Variants in IGF1R observed in about 807,000 individuals in gnomAD.
The protein encoded by IGF1R is insulin like growth factor 1 receptor, also known as insulin-like growth factor 1 receptor.
In IGF1R, 44 loss-of-function variants were observed where a neutral mutation model predicts 144.6. The observed-to-expected ratio is 0.30, with a 90% CI of 0.24 to 0.39. IGF1R has a LOEUF of 0.39. Among genes scored for constraint, IGF1R ranks in the 10% least tolerant of loss-of-function variants. The probability of loss-of-function intolerance (pLI) is 1.00; values close to 1 mark genes in which losing one functional copy is unlikely to be tolerated. For synonymous variants in IGF1R, 795 were observed against 722.8 expected, an observed-to-expected ratio of 1.10 and a Z score of -1.60; for missense variants, 1,355 against 1,833.7, an observed-to-expected ratio of 0.74 and a Z score of 4.77.
chr15:98,656,440 G>A (rs1322984325), intron 1 of IGF1R, among the ~76,000 whole-genome samples: 1 of 152,072 alleles, frequency 6.6e-6, no homozygotes, highest in Non-Finnish European at 1.5e-5. Flanking sequence ...TCCCAGCTAC[G>A]TGAGAGGCTG....
intron 10 of IGF1R, among the ~76,000 whole-genome samples, chr15:98,919,785 A>G (rs553091022): frequency 1.3e-5 from 2 of 152,372 alleles, no homozygotes; most frequent in African/African-American, 4.8e-5. Context: ...GAGTTCTGGC[A>G]GAGTCCAGGT....
intron 17 of IGF1R, 52 bp from the exon 18 acceptor site, chr15:98,939,149 T>C: frequency 6.7e-7 from 1 of 1,502,854 alleles, no homozygotes; most frequent in East Asian, 2.3e-5. Context: ...GAAATTGGCA[T>C]GGAAAAAAAA....
chr15:98,872,056 T>A (rs2012812873), intron 2 of IGF1R, among the ~76,000 whole-genome samples: 1 of 152,190 alleles, frequency 6.6e-6, no homozygotes, highest in African/African-American at 2.4e-5. Flanking sequence ...CCCCAGTGGG[T>A]ACCTGCATCC....
At chr15:98,782,307 C>T (rs1482287710) in intron 2 of IGF1R, among the ~76,000 whole-genome samples, 4 of 152,050 alleles carry the variant, frequency 2.6e-5, no homozygotes, top group Admixed American at 2.6e-4. Context: ...TGGAAAACAT[C>T]TTATTTTAAT....
intron 20 of IGF1R, among the ~76,000 whole-genome samples, chr15:98,951,100 C>T (rs969847784): frequency 1.7e-4 from 25 of 149,154 alleles, no homozygotes; most frequent in Non-Finnish European, 3.0e-4. Context: ...GTGGACACTT[C>T]GTGTGGAATT....
chr15:98,665,818 A>G (rs1381306407), intron 1 of IGF1R, among the ~76,000 whole-genome samples: 1 of 152,194 alleles, frequency 6.6e-6, no homozygotes, highest in African/African-American at 2.4e-5. Context: ...ATGGTGCGAG[A>G]AGGAGCTGCT....
chr15:98,939,986 C>T (rs2016306678), intron 18 of IGF1R, among the ~76,000 whole-genome samples: 1 of 152,218 alleles, frequency 6.6e-6, no homozygotes, highest in African/African-American at 2.4e-5. Context: ...TGGTTAGACT[C>T]CCTTGTTGCC....
At chr15:98,941,269 C>G (rs185848897) in intron 18 of IGF1R, among the ~76,000 whole-genome samples, 232 of 152,334 alleles carry the variant, frequency 1.5e-3, no homozygotes, top group African/African-American at 5.3e-3. Context: ...CAGGGCCTCT[C>G]CAGATGGCAG....
At chr15:98,880,402 T>C (rs2013311077) in intron 2 of IGF1R, among the ~76,000 whole-genome samples, 1 of 152,234 alleles carries the variant, frequency 6.6e-6, no homozygotes, top group African/African-American at 2.4e-5. Context: ...TTCTCAATAC[T>C]CTGCCCAGCG....
chr15:98,909,424 A>T (rs1317899002), intron 6 of IGF1R, among the ~76,000 whole-genome samples: 1 of 151,226 alleles, frequency 6.6e-6, no homozygotes, highest in Non-Finnish European at 1.5e-5. Flanking sequence ...ATGCCCAGCT[A>T]ATTTTTGGAT....
chr15:98,753,613 A>G (rs2055077670), intron 2 of IGF1R, among the ~76,000 whole-genome samples: 1 of 151,858 alleles, frequency 6.6e-6, no homozygotes, highest in African/African-American at 2.4e-5. Context: ...TATATTTATA[A>G]AGTTAATTGG....
intron 2 of IGF1R, among the ~76,000 whole-genome samples, chr15:98,744,382 C>G (rs904879156): frequency 1.3e-5 from 2 of 152,022 alleles, no homozygotes; most frequent in Non-Finnish European, 2.9e-5. Context: ...AGAGGGGAGG[C>G]CTTTGAGGAC....
In IGF1R at chr15:98,942,968, AAGG is replaced by A; in HGVS notation, c.3507_3509del (p.Gly1170del). On this transcript the variant is annotated inframe_deletion, in exon 19 of 21. Coordinates refer to ENST00000650285, the MANE Select transcript of IGF1R (RefSeq NM_000875.5). ...ATCTATGAGACAGACTATTACCGGAAAGGAGGGAAAGGGCTGCTGCCCGTGCGC... is the reference window on the plus strand; with the variant it reads ...ATCTATGAGACAGACTATTACCGGAAAGGGAAAGGGCTGCTGCCCGTGCGC... The A allele has an allele frequency of 1.2e-6, 2 of 1,614,156 alleles. No individual in the cohort carries two copies. The highest frequency in any genetic ancestry group is 1.7e-6 in the Non-Finnish European group (2 of 1,180,008).
intron 1 of IGF1R, among the ~76,000 whole-genome samples, chr15:98,688,136 G>T (rs1245553353): frequency 7.9e-5 from 12 of 152,256 alleles, no homozygotes; most frequent in African/African-American, 2.6e-4. Flanking sequence ...GCTTCTCAGT[G>T]TGCTCTCTGG....
At position 98,959,622 on chromosome 15, in the gene IGF1R, G is replaced by C. The variant is rs1567226220; in HGVS notation, c.*2180G>C. The C allele has an allele frequency of 4.3e-6, 1 of 233,484 alleles. No individual in the cohort carries two copies. Among genetic ancestry groups the C allele is most frequent in the African/African-American group, 2.2e-5 (1 of 45,324 alleles). 14.5% of individuals were successfully genotyped at this position (233,484 alleles called of 1,614,324 possible). On this transcript the variant is annotated 3_prime_UTR_variant, in exon 21 of 21. Coordinates refer to ENST00000650285, the MANE Select transcript of IGF1R (RefSeq NM_000875.5). ...CCTCGGCCAGGAATCCAGGTCCTTG[G>C]GGCCCAGGGGTCTTGTCTTGTTTCA...
At position 98,945,998 on chromosome 15, in the gene IGF1R, G is replaced by A. The variant is rs150524307; in HGVS notation, c.3588-2576G>A. On this transcript the variant is annotated intron_variant, in intron 19 of 20. Transcript: ENST00000650285. ...AGGCTCTTGGGGGTGTGGAAGATGC[G>A]GGGATGATGATGATGACGATGATGA... is the stretch of plus-strand genomic sequence containing the variant. Among the ~76,000 whole-genome samples, 83 of 152,066 alleles carry A rather than the reference G, an allele frequency of 5.5e-4. 1 individual carries two copies. The East Asian group carries it at 0.013, about 23-fold the overall frequency.
chr15:98,954,904 G>A (rs1253762691), intron 20 of IGF1R, among the ~76,000 whole-genome samples: 1 of 152,104 alleles, frequency 6.6e-6, no homozygotes, highest in Admixed American at 6.5e-5. Context: ...ACTGTTCCTT[G>A]GACAGTTAGG....
chr15:98,951,386 C>G lies in IGF1R; in HGVS notation c.3722+2678C>G, dbSNP rs181630246. Among the ~76,000 whole-genome samples, 447 of 152,326 alleles carry G rather than the reference C, an allele frequency of 2.9e-3. 6 individuals carry two copies. Among genetic ancestry groups the G allele is most frequent in the African/African-American group, 9.5e-3 (394 of 41,572 alleles). The stretch of plus-strand genomic sequence containing the variant: ...CCACAATCCAAACTTGGAAGAGACT[C>G]GAAAGACCACTTAGTACCTTTTCTT... On this transcript the variant is annotated intron_variant, in intron 20 of 20. Coordinates refer to ENST00000650285, the MANE Select transcript of IGF1R (RefSeq NM_000875.5).
Position 98,953,863 on chromosome 15 carries a change from A to G in IGF1R, c.3723-3198A>G, listed in dbSNP as rs77745060. The stretch of plus-strand genomic sequence containing the variant: ...TGGTTCTGCGGGAATCGAGTGCTTG[A>G]GTGGGACCCAGACAGACAGGAAGGG... On this transcript the variant is annotated intron_variant, in intron 20 of 20. Coordinates refer to ENST00000650285, the MANE Select transcript of IGF1R (RefSeq NM_000875.5). Among the ~76,000 whole-genome samples the G allele has an allele frequency of 1.6e-4, 24 of 152,244 alleles. 1 individual carries two copies. The East Asian group carries it at 4.6e-3, about 29-fold the overall frequency.
Sources: gnomAD v4.1 joint callset for allele counts (sites outside exome capture counted in the v4.1 genomes callset) on GRCh38, gnomAD v4.1.1 for gene constraint, MANE v1.5 for transcripts, NCBI Gene and HGNC (gene_info 2026-07-23, HGNC 2026-07-21) for gene names.